POC1A: variants seen among roughly 807,000 people sequenced by gnomAD.
POC1A encodes the protein POC1 centriolar protein A, also known as POC1 centriolar protein homolog A.
Under a neutral mutation model 47.8 loss-of-function variants are expected in POC1A, and 34 were observed. That is an observed-to-expected ratio of 0.71 (90% confidence interval 0.54 to 0.95). POC1A has a LOEUF of 0.95. Among genes scored for constraint, POC1A ranks in the 40% least tolerant of loss-of-function variants. The pLI, the probability that POC1A is intolerant of heterozygous loss-of-function variation, is 0.00. For missense variants in POC1A, 466 were observed against 528.3 expected, an observed-to-expected ratio of 0.88 and a Z score of 1.16; for synonymous variants, 177 against 207.6, an observed-to-expected ratio of 0.85 and a Z score of 1.27.
chr3:52,143,924 C>A (rs1698281509), intron 6 of POC1A, among the ~76,000 whole-genome samples: 1 of 152,174 alleles, frequency 6.6e-6, no homozygotes, highest in South Asian at 2.1e-4. Flanking sequence ...GCTGTTATAC[C>A]CATGAACACC....
chr3:52,137,475 C>A (rs528453058), intron 7 of POC1A, among the ~76,000 whole-genome samples: 1 of 152,254 alleles, frequency 6.6e-6, no homozygotes, highest in Non-Finnish European at 1.5e-5. Flanking sequence ...TACGCCCCAA[C>A]AGGAGACATT....
At chr3:52,128,605 A>G (rs1450168028) in intron 7 of POC1A, among the ~76,000 whole-genome samples, 1 of 152,184 alleles carries the variant, frequency 6.6e-6, no homozygotes, top group African/African-American at 2.4e-5. Context: ...GCCAAAGCCA[A>G]CATGTACTGT....
At chr3:52,097,974 C>T (rs1702877911) in intron 9 of POC1A, among the ~76,000 whole-genome samples, 2 of 152,240 alleles carry the variant, frequency 1.3e-5, no homozygotes, top group South Asian at 4.1e-4. Context: ...GGAGAGACTT[C>T]AGCCTACCAC....
At chr3:52,121,450 C>A (rs1354943992) in intron 9 of POC1A, among the ~76,000 whole-genome samples, 1 of 152,248 alleles carries the variant, frequency 6.6e-6, no homozygotes, top group Non-Finnish European at 1.5e-5. Flanking sequence ...TAAATCCCAA[C>A]TGGGCCAATG....
chr3:52,129,314 T>C (rs775719663), intron 7 of POC1A, among the ~76,000 whole-genome samples: 13 of 152,150 alleles, frequency 8.5e-5, no homozygotes, highest in Non-Finnish European at 1.8e-4. Flanking sequence ...TTCCAAACCA[T>C]AGGTGCTTGA....
chr3:52,121,410 C>G (rs547085297), intron 9 of POC1A, among the ~76,000 whole-genome samples: 3 of 152,344 alleles, frequency 2.0e-5, no homozygotes, highest in Non-Finnish European at 2.9e-5. Flanking sequence ...AAGAGACCAG[C>G]CAGGACAGCA....
intron 9 of POC1A, among the ~76,000 whole-genome samples, chr3:52,107,102 T>C (rs1009548983): frequency 6.6e-6 from 1 of 152,198 alleles, no homozygotes; most frequent in Admixed American, 6.5e-5. Context: ...CTAAGTAACT[T>C]CAAACCAGTA....
At chr3:52,129,489 G>A (rs1355723145) in intron 7 of POC1A, among the ~76,000 whole-genome samples, 6 of 152,156 alleles carry the variant, frequency 3.9e-5, no homozygotes, top group African/African-American at 1.4e-4. Flanking sequence ...CCAAAGGCAA[G>A]ACCTGTCTCT....
intron 9 of POC1A, among the ~76,000 whole-genome samples, chr3:52,119,314 C>A (rs1441138966): frequency 6.6e-6 from 1 of 152,114 alleles, no homozygotes. Flanking sequence ...GGGCTCCCCG[C>A]TGAGGCAAGA....
rs1410556434 is a variant in POC1A at position 52,090,190 on chromosome 3, C to A, written c.1125+6379G>T. 6.6e-6 allele frequency among the ~76,000 whole-genome samples: 1 copy of A among 152,208 alleles called. No homozygotes were observed. Among genetic ancestry groups the A allele is most frequent in the African/African-American group, 2.4e-5 (1 of 41,442 alleles). On this transcript the variant is annotated intron_variant, in intron 10 of 10. Transcript: ENST00000296484. The surrounding 1 kb of genome is among the most constrained non-coding windows in gnomAD (Gnocchi z 4.2). ...TGCATTTTCAAGTCCTGGAGCCCAGCAGCCTCCATGAGTCACAGGAACTGG... is the reference window on the plus strand; with the variant it reads ...TGCATTTTCAAGTCCTGGAGCCCAGAAGCCTCCATGAGTCACAGGAACTGG...
intron 7 of POC1A, among the ~76,000 whole-genome samples, chr3:52,132,651 A>G (rs986595953): frequency 3.3e-5 from 5 of 152,182 alleles, no homozygotes; most frequent in Admixed American, 1.3e-4. Context: ...GGACTGCAGG[A>G]GAGAAGCACC....
chr3:52,086,224 G>A (rs1482730173), intron 10 of POC1A, among the ~76,000 whole-genome samples: 2 of 152,122 alleles, frequency 1.3e-5, no homozygotes, highest in Non-Finnish European at 2.9e-5. Context: ...GGGAGAGGGC[G>A]CAGTCACCCG....
chr3:52,096,582 T>C lies in POC1A; in HGVS notation c.1112A>G (p.Asp371Gly). Reference protein sequence around the residue: ...STLEHIVGQLDVLTQTVSILE... With the variant: ...STLEHIVGQLGVLTQTVSILE... ...AGTGTGGCCTACCTGAGTGAGGACATCCAGCTGGCCCACAATGTGCTCCAG... is the reference window on the plus strand; with the variant it reads ...AGTGTGGCCTACCTGAGTGAGGACACCCAGCTGGCCCACAATGTGCTCCAG... The change falls in exon 10 of 11, where the codon GAT (aspartate) becomes GGT (glycine). Residue 371 changes from aspartate (D) to glycine (G), a missense_variant. Physicochemically the swap from Asp to Gly is moderately conservative, Grantham distance 94. Coordinates refer to ENST00000296484, the MANE Select transcript of POC1A (RefSeq NM_015426.5). 1.3e-6 allele frequency: 2 copies of C among 1,583,480 alleles called. No homozygotes were observed. Among genetic ancestry groups the C allele is most frequent in the African/African-American group, 1.4e-5 (1 of 73,062 alleles).
intron 7 of POC1A, among the ~76,000 whole-genome samples, chr3:52,130,090 T>C (rs533604398): frequency 6.6e-6 from 1 of 152,374 alleles, no homozygotes; most frequent in South Asian, 2.1e-4. Context: ...GCCTGAACTC[T>C]GACTGCATGC....
intron 7 of POC1A, among the ~76,000 whole-genome samples, chr3:52,125,536 C>T (rs1284930139): frequency 1.3e-5 from 2 of 152,144 alleles, no homozygotes; most frequent in African/African-American, 2.4e-5. Flanking sequence ...CACTGAGTCA[C>T]CCCAGCCACA....
intron 10 of POC1A, among the ~76,000 whole-genome samples, chr3:52,088,934 C>T (rs1423315762): frequency 6.8e-6 from 1 of 146,688 alleles, no homozygotes; most frequent in Non-Finnish European, 1.5e-5. Context: ...GTATGACCGA[C>T]CATGAACATT....
intron 9 of POC1A, among the ~76,000 whole-genome samples, chr3:52,114,320 T>G (rs991008462): frequency 2.6e-5 from 4 of 152,166 alleles, no homozygotes; most frequent in Non-Finnish European, 4.4e-5. Flanking sequence ...GTACATCCCA[T>G]GTAAACCGGA....
At chr3:52,121,170 A>G (rs1703766303) in intron 9 of POC1A, among the ~76,000 whole-genome samples, 1 of 152,234 alleles carries the variant, frequency 6.6e-6, no homozygotes, top group Non-Finnish European at 1.5e-5. Context: ...CGAGCATAAA[A>G]GGCCTTGGCT....
intron 9 of POC1A, among the ~76,000 whole-genome samples, chr3:52,112,431 G>C (rs1013300857): frequency 6.6e-6 from 1 of 152,156 alleles, no homozygotes; most frequent in Non-Finnish European, 1.5e-5. Flanking sequence ...CCTGAAGTCA[G>C]GAGTTCAAGA....
Sources: gnomAD v4.1 joint callset for allele counts (sites outside exome capture counted in the v4.1 genomes callset) on GRCh38, gnomAD v4.1.1 for gene constraint, Gnocchi (gnomAD v3.1) non-coding constraint, MANE v1.5 for transcripts, NCBI Gene and HGNC (gene_info 2026-07-23, HGNC 2026-07-21) for gene names.